TAL1: variants seen among roughly 807,000 people sequenced by gnomAD.
The protein encoded by TAL1 is T-cell acute lymphocytic leukemia protein 1.
TAL1 carries 8 observed loss-of-function variants against 17.9 expected under a neutral mutation model. The ratio of observed to expected loss-of-function variants is 0.45; its 90% CI spans 0.26 to 0.81. TAL1 has a LOEUF of 0.81. Among genes scored for constraint, TAL1 ranks in the 30% least tolerant of loss-of-function variants. The probability of loss-of-function intolerance (pLI) is 0.17; values close to 1 mark genes in which losing one functional copy is unlikely to be tolerated. For missense variants in TAL1, 466 were observed against 486.9 expected, an observed-to-expected ratio of 0.96 and a Z score of 0.40; for synonymous variants, 223 against 218.6, an observed-to-expected ratio of 1.02 and a Z score of -0.18.
chr1:47,222,491 G>T (rs1179017591), intron 3 of TAL1, among the ~76,000 whole-genome samples: 1 of 152,116 alleles, frequency 6.6e-6, no homozygotes, highest in East Asian at 1.9e-4. Flanking sequence ...CCAATACATG[G>T]TAGTAGCAAT....
At chr1:47,225,557 T>A (rs1643894279) in exon 2 of TAL1, 8 of 1,278,360 alleles carry the variant, frequency 6.3e-6, no homozygotes, top group African/African-American at 1.6e-5. Context: ...GCCGGGCAGC[T>A]CCGCTGTAAC....
At chr1:47,218,377 C>T (rs1645541640) in exon 4 of TAL1, 1 of 232,792 alleles carries the variant, frequency 4.3e-6, no homozygotes, top group African/African-American at 2.2e-5. Flanking sequence ...GGATTCTTCA[C>T]TTTACAAAAG....
upstream of TAL1, chr1:47,230,972 A>T (rs1644002540): frequency 6.6e-6 from 1 of 152,314 alleles, no homozygotes; most frequent in Non-Finnish European, 1.5e-5. Flanking sequence ...CCGAGGCTCG[A>T]GGCCTGGTGA....
At chr1:47,229,337 G>A (rs2148595958) in exon 1 of TAL1, 1 of 197,384 alleles carries the variant, frequency 5.1e-6, no homozygotes, top group East Asian at 7.8e-5. Context: ...ACGCTGCGGT[G>A]TGGTCCTGGG....
At chr1:47,218,352 G>A (rs1645541146) in exon 4 of TAL1, 1 of 232,908 alleles carries the variant, frequency 4.3e-6, no homozygotes, top group Non-Finnish European at 8.5e-6. Context: ...AGGGGCAGTG[G>A]TTCATTCTAC....
chr1:47,221,412 A>T (rs2249665), intron 3 of TAL1, among the ~76,000 whole-genome samples: 2 of 152,152 alleles, frequency 1.3e-5, no homozygotes, highest in African/African-American at 2.4e-5. Context: ...GAGCAGTGGC[A>T]GATACCAGCA....
chr1:47,220,994 G>C (rs892438098), intron 3 of TAL1, among the ~76,000 whole-genome samples: 4 of 152,244 alleles, frequency 2.6e-5, no homozygotes, highest in Non-Finnish European at 5.9e-5. Flanking sequence ...AGAGGAAGAA[G>C]AGTATCCAAG....
chr1:47,224,629 G>T (rs1036201827), intron 2 of TAL1, among the ~76,000 whole-genome samples: 8 of 152,006 alleles, frequency 5.3e-5, no homozygotes, highest in Admixed American at 5.2e-4. Flanking sequence ...ATACACAACA[G>T]ACAGGAAACC....
At chr1:47,223,160 G>A (rs1233587300) in intron 3 of TAL1, among the ~76,000 whole-genome samples, 1 of 152,152 alleles carries the variant, frequency 6.6e-6, no homozygotes. Flanking sequence ...TTGCTCTGAG[G>A]CCTTGGGCAG....
exon 4 of TAL1, chr1:47,219,723 C>A: frequency 2.5e-6 from 4 of 1,609,064 alleles, no homozygotes; most frequent in Non-Finnish European, 3.4e-6. Flanking sequence ...AGACCCATCA[C>A]CGAGGGCCGG....
chr1:47,216,603 G>A (rs755654111), exon 4 of TAL1: 7 of 231,790 alleles, frequency 3.0e-5, no homozygotes, highest in Non-Finnish European at 5.1e-5. Context: ...TCACAAGTAC[G>A]GCCAGACCCA....
chr1:47,232,234 C>A (rs1316594849), upstream of TAL1: 1 of 176,170 alleles, frequency 5.7e-6, no homozygotes. Flanking sequence ...GCGGCCCGGC[C>A]CCTCCCGCGG....
exon 2 of TAL1, chr1:47,225,792 G>C (rs1454378712): frequency 6.4e-7 from 1 of 1,567,062 alleles, no homozygotes; most frequent in Non-Finnish European, 8.6e-7. Context: ...CCGTTCAGCA[G>C]GACCAGGTGC....
chr1:47,219,249 G>A lies in TAL1; in HGVS notation c.*471C>T, dbSNP rs183995688. On this transcript the variant is annotated 3_prime_UTR_variant, in exon 4 of 4. Transcript: ENST00000294339. ...AGGCCTGGGTGAAGATGGGGCTCAC[G>A]AAATGGGCAGCTATTGGGTACCTAT... 562 of 444,400 alleles carry A rather than the reference G, an allele frequency of 1.3e-3. 1 individual carries two copies. Among genetic ancestry groups the A allele is most frequent in the Non-Finnish European group, 2.0e-3 (476 of 235,842 alleles). The allele number at this position is 444,400 out of a possible 1,614,324, so 27.5% of individuals were successfully genotyped here. A position where few individuals can be genotyped will look rare whatever the true frequency, so the allele number is the denominator to read the frequency against.
At chr1:47,228,530 A>G (rs866692820) in intron 1 of TAL1, 1 of 181,206 alleles carries the variant, frequency 5.5e-6, no homozygotes, top group Non-Finnish European at 1.2e-5. Flanking sequence ...CACCTGTGCC[A>G]GAACAAGACA....
upstream of TAL1, chr1:47,232,328 C>A (rs192533506): frequency 4.2e-4 from 66 of 157,794 alleles, no homozygotes; most frequent in East Asian, 9.8e-3. Flanking sequence ...GCCTCGTTAG[C>A]ATGGGCCGAG....
intron 3 of TAL1, 73 bp from the exon 5 acceptor site, chr1:47,220,247 G>T: frequency 7.0e-7 from 1 of 1,429,586 alleles, no homozygotes; most frequent in East Asian, 2.4e-5. Flanking sequence ...CCATACATTG[G>T]GAAACTTGGG....
In TAL1 at chr1:47,225,389, G is replaced by T. The variant is rs138622243; in HGVS notation, c.446+54C>A. ...TGTGTAGAAGGAAACCCCGGTGGGG[G>T]TGGTCGCCCTGCCCACCCGCCCAGC... On this transcript the variant is annotated intron_variant, in intron 2 of 3. Transcript: ENST00000294339. The T allele has an allele frequency of 7.5e-4, 921 of 1,222,084 alleles. 22 individuals are homozygous for T. In the East Asian group the frequency reaches 0.029, roughly 38 times the overall value. 75.7% of individuals were successfully genotyped at this position (1,222,084 alleles called of 1,614,324 possible). A position where few individuals can be genotyped will look rare whatever the true frequency, so the allele number is the denominator to read the frequency against.
intron 3 of TAL1, chr1:47,223,530 C>A (rs548297650): frequency 6.5e-6 from 1 of 154,494 alleles, no homozygotes; most frequent in East Asian, 1.9e-4. Context: ...TCGGAGAAAA[C>A]CCTTGATGAC....
Sources: allele counts gnomAD v4.1 joint callset (sites outside exome capture counted in the v4.1 genomes callset), GRCh38; gene constraint gnomAD v4.1.1; transcripts MANE v1.5; gene names NCBI Gene and HGNC (gene_info 2026-07-23, HGNC 2026-07-21).